The following ZNF208 variants were observed in gnomAD, a reference collection of about 807,000 sequenced individuals.
ZNF208 encodes the protein zinc finger protein 208.
In ZNF208, 10 loss-of-function variants were observed where a neutral mutation model predicts 12.1. The observed-to-expected ratio is 0.83, with a 90% CI of 0.51 to 1.40. ZNF208 has a LOEUF of 1.40. ZNF208 is among the 40% of genes most tolerant of loss of function. The pLI, the probability that ZNF208 is intolerant of heterozygous loss-of-function variation, is 0.00. For missense variants in ZNF208, 1,652 were observed against 1,485.0 expected (o/e 1.11, Z -1.85); for synonymous variants, 497 against 488.4 (o/e 1.02, Z -0.23).
downstream of ZNF208, among the ~76,000 whole-genome samples, chr19:21,961,565 T>TC (rs1030882039): frequency 6.6e-5 from 10 of 151,810 alleles, no homozygotes; most frequent in African/African-American, 2.4e-4. Flanking sequence ...GGGGTTTTTT[T>TC]CCCCACCCTA....
chr19:21,985,139 A>T (rs1159258724), intron 3 of ZNF208, among the ~76,000 whole-genome samples: 1 of 152,242 alleles, frequency 6.6e-6, no homozygotes, highest in African/African-American at 2.4e-5. Flanking sequence ...AAATGAAATG[A>T]GTCAGCCACA....
intron 1 of ZNF208, among the ~76,000 whole-genome samples, chr19:22,006,413 G>A (rs541087986): frequency 4.0e-5 from 6 of 151,432 alleles, no homozygotes; most frequent in African/African-American, 1.2e-4. Context: ...AAAACCTCTC[G>A]AATCTGCCTC....
chr19:21,958,685 A>G (rs1262914235), intron 4 of ZNF208, among the ~76,000 whole-genome samples: 3 of 152,226 alleles, frequency 2.0e-5, no homozygotes, highest in Non-Finnish European at 2.9e-5. Context: ...GGAATGATGC[A>G]TAAACACATG....
At chr19:21,982,096 G>A (rs1232204098) in intron 3 of ZNF208, among the ~76,000 whole-genome samples, 14 of 152,166 alleles carry the variant, frequency 9.2e-5, no homozygotes, top group African/African-American at 2.6e-4. Context: ...AGTGGCTAAC[G>A]TCTGTAATCC....
intron 3 of ZNF208, among the ~76,000 whole-genome samples, chr19:21,977,375 C>G (rs1970451877): frequency 6.6e-6 from 1 of 152,218 alleles, no homozygotes; most frequent in Admixed American, 6.5e-5. Flanking sequence ...AACTGAGGTA[C>G]TGGTTTCATC....
chr19:21,962,943 T>A (rs543995706), downstream of ZNF208, among the ~76,000 whole-genome samples: 1 of 152,190 alleles, frequency 6.6e-6, no homozygotes, highest in African/African-American at 2.4e-5. Context: ...ACAATAATAT[T>A]ATGACCTCAT....
intron 1 of ZNF208, among the ~76,000 whole-genome samples, chr19:22,007,132 A>G (rs1429942808): frequency 6.6e-6 from 1 of 152,224 alleles, no homozygotes; most frequent in Non-Finnish European, 1.5e-5. Context: ...AATTCTCTAT[A>G]GCCAAAATGG....
Position 21,967,763 on chromosome 19 carries a change from TTC to T in ZNF208, c.*3426_*3427del, listed in dbSNP as rs1384592794. ...CTTTTGAATGTATTTTAGAATAGTT[TTC>T]TTTTTCTAATTCAATAAAAATCGTC... On this transcript the variant is annotated 3_prime_UTR_variant, in exon 4 of 4. Coordinates refer to ENST00000397126, the MANE Select transcript of ZNF208 (RefSeq NM_007153.3). The T allele has an allele frequency of 3.9e-5, 6 of 152,172 alleles. No homozygotes were observed. Among genetic ancestry groups the T allele is most frequent in the African/African-American group, 1.4e-4 (6 of 41,450 alleles). 9.4% of individuals were successfully genotyped at this position (152,172 alleles called of 1,614,324 possible).
chr19:21,975,902 GA>G (rs1451472168), intron 3 of ZNF208, among the ~76,000 whole-genome samples: 14 of 89,976 alleles, frequency 1.6e-4, no homozygotes, highest in Non-Finnish European at 3.0e-4. Context: ...CCTAATGGGG[GA>G]AAAAAAACAA....
At chr19:21,980,238 C>T (rs1333098755) in intron 3 of ZNF208, among the ~76,000 whole-genome samples, 1 of 152,140 alleles carries the variant, frequency 6.6e-6, no homozygotes, top group South Asian at 2.1e-4. Context: ...AAATAGACAT[C>T]TACAGGACTC....
intron 3 of ZNF208, among the ~76,000 whole-genome samples, chr19:21,983,245 T>G (rs1391886107): frequency 2.0e-4 from 30 of 151,186 alleles, no homozygotes; most frequent in Non-Finnish European, 8.8e-5. Context: ...CAAACAAACA[T>G]ATGAAAAAAA....
intron 1 of ZNF208, among the ~76,000 whole-genome samples, chr19:22,004,069 TG>T (rs1163274410): frequency 1.3e-5 from 2 of 151,996 alleles, no homozygotes; most frequent in Non-Finnish European, 2.9e-5. Flanking sequence ...CTTAGCTACT[TG>T]GGAAGCTTAG....
intron 1 of ZNF208, among the ~76,000 whole-genome samples, chr19:21,996,006 T>C (rs1970830773): frequency 6.6e-6 from 1 of 152,222 alleles, no homozygotes; most frequent in Non-Finnish European, 1.5e-5. Flanking sequence ...CCAGGTCTTA[T>C]TTGCAAATTC....
intron 4 of ZNF208, among the ~76,000 whole-genome samples, chr19:21,959,843 TGA>T (rs1970036165): frequency 6.6e-6 from 1 of 152,204 alleles, no homozygotes; most frequent in African/African-American, 2.4e-5. Flanking sequence ...TTGAAGTATT[TGA>T]GAGATGTTCT....
At chr19:21,954,430 G>T (rs1435193723) in intron 4 of ZNF208, among the ~76,000 whole-genome samples, 1 of 152,194 alleles carries the variant, frequency 6.6e-6, no homozygotes, top group Non-Finnish European at 1.5e-5. Context: ...TGTTGAGACT[G>T]TGGTGGTAAA....
Position 21,972,888 on chromosome 19 carries a change from T to C in ZNF208, c.2146A>G (p.Thr716Ala). ...TCACATTTGTAGGGTTTCTCTCCAG[T>C]ATGAATTCTCTTATGTTCCATAAGG... is the stretch of plus-strand genomic sequence containing the variant. Reference protein sequence around the residue: ...SNLMEHKRIHTGEKPYKCEEC... With the variant: ...SNLMEHKRIHAGEKPYKCEEC... Residue 716 changes from threonine (T) to alanine (A), a missense_variant, in exon 4 of 4, where the codon ACT (threonine) becomes GCT (alanine). Thr to Ala is a moderately conservative substitution (Grantham distance 58). Transcript: ENST00000397126. 1.2e-6 allele frequency: 2 copies of C among 1,613,208 alleles called. No homozygotes were observed. Among genetic ancestry groups the C allele is most frequent in the Non-Finnish European group, 8.5e-7 (1 of 1,179,736 alleles).
intron 1 of ZNF208, among the ~76,000 whole-genome samples, chr19:22,001,032 T>TA (rs1453344827): frequency 6.6e-6 from 1 of 152,164 alleles, no homozygotes; most frequent in African/African-American, 2.4e-5. Flanking sequence ...CTCACACCTG[T>TA]AATCCCAGCA....
chr19:21,959,653 A>C (rs1849004), intron 4 of ZNF208, among the ~76,000 whole-genome samples: 24,524 of 152,152 alleles, frequency 0.16, 2,151 homozygotes, highest in Middle Eastern at 0.2. Context: ...TACATGGAAA[A>C]ATATTTGTCA....
intron 3 of ZNF208, among the ~76,000 whole-genome samples, chr19:21,978,542 T>C (rs1024888126): frequency 3.9e-5 from 6 of 152,142 alleles, no homozygotes; most frequent in African/African-American, 1.2e-4. Context: ...TCCAAAAGGA[T>C]GTTTACTCAG....
Sources: allele counts gnomAD v4.1 joint callset (sites outside exome capture counted in the v4.1 genomes callset), GRCh38; gene constraint gnomAD v4.1.1; transcripts MANE v1.5; gene names NCBI Gene and HGNC (gene_info 2026-07-23, HGNC 2026-07-21).